DST: variants seen among roughly 807,000 people sequenced by gnomAD.
The protein encoded by DST is dystonin.
DST carries 253 observed loss-of-function variants against 875.2 expected under a neutral mutation model. The observed-to-expected ratio is 0.29, with a 90% CI of 0.26 to 0.32. The LOEUF is 0.32. Ranked by LOEUF, DST falls within the 10% of genes least tolerant of loss-of-function variation. The pLI, the probability that DST is intolerant of heterozygous loss-of-function variation, is 1.00. For synonymous variants in DST, 3,124 were observed against 3,197.1 expected (o/e 0.98, Z 0.77); for missense variants, 8,287 against 9,111.6 (o/e 0.91, Z 3.68).
chr6:56,600,577 T>C (rs1469554716), intron 44 of DST, among the ~76,000 whole-genome samples: 1 of 152,004 alleles, frequency 6.6e-6, no homozygotes, highest in Non-Finnish European at 1.5e-5. Flanking sequence ...AAAGAGAAGT[T>C]AGTTGTGATT....
chr6:56,493,909 T>C (rs971448421), intron 83 of DST, 101 bp downstream of exon 83: 7 of 907,168 alleles, frequency 7.7e-6, no homozygotes, highest in Non-Finnish European at 9.1e-6. Context: ...ACATAAATCA[T>C]TGAAAGTTCT....
rs546313902 is a variant in DST, at chr6:56,588,751, A to G, written c.12903+3431T>C. On this transcript the variant is annotated intron_variant, in intron 49 of 103. Transcript: ENST00000680361. The stretch of plus-strand genomic sequence containing the variant: ...GCAAAAATTTCCTCAACTAATCTTC[A>G]TATCCAAGAAACTGAGATGACATAC... Among the ~76,000 whole-genome samples the G allele has an allele frequency of 2.0e-5, 3 of 152,342 alleles. No individual in the cohort carries two copies. In the East Asian group the frequency reaches 5.8e-4, roughly 29 times the overall value.
chr6:56,945,345 TAA>T (rs1751221113), intron 2 of DST, among the ~76,000 whole-genome samples: 1 of 152,170 alleles, frequency 6.6e-6, no homozygotes, highest in African/African-American at 2.4e-5. Flanking sequence ...CAGAGATATT[TAA>T]AAGAGAAGAC....
intron 3 of DST, among the ~76,000 whole-genome samples, chr6:56,864,555 C>A (rs1772996362): frequency 6.7e-6 from 1 of 150,012 alleles, no homozygotes. Flanking sequence ...CTTCACCCAG[C>A]CCCATAATTA....
At chr6:56,683,297 C>T (rs1020831152) in intron 9 of DST, among the ~76,000 whole-genome samples, 2 of 152,120 alleles carry the variant, frequency 1.3e-5, no homozygotes, top group Non-Finnish European at 2.9e-5. Flanking sequence ...TAATATTGGG[C>T]TTCTACCTTC....
chr6:56,503,497 G>C (rs893734707), intron 78 of DST, among the ~76,000 whole-genome samples: 1 of 151,696 alleles, frequency 6.6e-6, no homozygotes, highest in Non-Finnish European at 1.5e-5. Context: ...CAACATACTA[G>C]TGTAGTGACA....
intron 64 of DST, among the ~76,000 whole-genome samples, chr6:56,531,777 C>T (rs1405960742): frequency 2.6e-5 from 4 of 152,056 alleles, no homozygotes; most frequent in African/African-American, 9.7e-5. Flanking sequence ...GAACAAACAC[C>T]CAGTGGAGCC....
At chr6:56,811,609 C>A (rs1476042443) in intron 4 of DST, among the ~76,000 whole-genome samples, 1 of 152,140 alleles carries the variant, frequency 6.6e-6, no homozygotes, top group Non-Finnish European at 1.5e-5. Context: ...AAGTTAACTA[C>A]CAGCTGATGA....
chr6:56,679,747 G>A (rs2099148325), intron 9 of DST, among the ~76,000 whole-genome samples: 1 of 151,976 alleles, frequency 6.6e-6, no homozygotes, highest in Non-Finnish European at 1.5e-5. Context: ...ACTCCAGCCT[G>A]GTGAAAGTAA....
chr6:56,582,570 T>C (rs2098029510), intron 49 of DST, among the ~76,000 whole-genome samples: 1 of 152,148 alleles, frequency 6.6e-6, no homozygotes, highest in African/African-American at 2.4e-5. Flanking sequence ...TTCTTTTCTT[T>C]ATAAATTACC....
intron 3 of DST, among the ~76,000 whole-genome samples, chr6:56,880,682 GT>G (rs111375643): frequency 0.018 from 2,577 of 144,508 alleles, 71 homozygotes; most frequent in African/African-American, 0.063. Context: ...GTGAGACTCC[GT>G]CTCAAAAAAA....
intron 5 of DST, among the ~76,000 whole-genome samples, chr6:56,710,461 T>C (rs984976858): frequency 6.6e-6 from 1 of 152,324 alleles, no homozygotes; most frequent in African/African-American, 2.4e-5. Flanking sequence ...AGAAGAAGGA[T>C]AGTTTGCTTT....
chr6:56,871,688 G>T, intron 3 of DST: 1 of 597,496 alleles, frequency 1.7e-6, no homozygotes. Flanking sequence ...GGGTTGCCTA[G>T]AAGAAAAAGA....
intron 36 of DST, among the ~76,000 whole-genome samples, chr6:56,620,909 T>C (rs1280853108): frequency 6.6e-6 from 1 of 152,218 alleles, no homozygotes; most frequent in Non-Finnish European, 1.5e-5. Flanking sequence ...CAAAAAACCC[T>C]TCACGACAGG....
rs756904971 is a variant in DST at position 56,526,549 on chromosome 6, T to C, written c.17941A>G (p.Lys5981Glu). ...MRPKELKKEAKNNKALLDSLN... is the reference protein window; with the variant it reads ...MRPKELKKEAENNKALLDSLN... ...GAGTCCAGTAAGGCTTTGTTGTTCT[T>C]AGCTTCCTTTTTCAGTTCCTGAAAA... The change falls in exon 69 of 104, where the codon AAG (lysine) becomes GAG (glutamate). Residue 5981 changes from lysine (K) to glutamate (E), a missense_variant. Coordinates refer to ENST00000680361, the MANE Select transcript of DST (RefSeq NM_001374736.1). The C allele has an allele frequency of 7.3e-5, 117 of 1,613,462 alleles. 3 individuals carry two copies. The South Asian group carries it at 1.2e-3, about 17-fold the overall frequency.
intron 47 of DST, among the ~76,000 whole-genome samples, chr6:56,595,529 T>C (rs2098359366): frequency 6.6e-6 from 1 of 151,896 alleles, no homozygotes; most frequent in African/African-American, 2.4e-5. Flanking sequence ...CTTAGAACAG[T>C]GCTGGCACAC....
intron 55 of DST, among the ~76,000 whole-genome samples, chr6:56,563,285 A>T (rs958384453): frequency 6.6e-6 from 1 of 152,144 alleles, no homozygotes; most frequent in Admixed American, 6.5e-5. Flanking sequence ...CATTCTAACT[A>T]GTGTGAGATG....
intron 4 of DST, among the ~76,000 whole-genome samples, chr6:56,815,032 C>G (rs148659732): frequency 4.6e-5 from 7 of 152,104 alleles, no homozygotes; most frequent in Non-Finnish European, 1.0e-4. Context: ...CTCTGCCACT[C>G]GCTATAATCC....
chr6:56,508,748 C>A lies in DST; in HGVS notation c.19020G>T (p.Gln6340His). ...TDKDISAKAV[Q>H]DKLDQMVFIW... ...TGAAAACCATTTGGTCAAGCTTATC[C>A]TGAACAGCTATGAAGCAAAACAATA... The change falls in exon 75 of 104, where the codon CAG becomes CAT. Residue 6340 changes from glutamine (Q) to histidine (H), a missense_variant. Physicochemically the swap from Gln to His is conservative, Grantham distance 24 (BLOSUM62 0). Transcript: ENST00000680361. 1 of 1,611,758 alleles carries A rather than the reference C, an allele frequency of 6.2e-7. No individual in the cohort carries two copies. Among genetic ancestry groups the A allele is most frequent in the South Asian group, 1.1e-5 (1 of 90,784 alleles).
Sources: gnomAD v4.1 joint callset for allele counts (sites outside exome capture counted in the v4.1 genomes callset) on GRCh38, gnomAD v4.1.1 for gene constraint, MANE v1.5 for transcripts, NCBI Gene and HGNC (gene_info 2026-07-23, HGNC 2026-07-21) for gene names.